PALLD: variants seen among roughly 807,000 people sequenced by gnomAD.
PALLD encodes the protein palladin.
In PALLD, 61 loss-of-function variants were observed where a neutral mutation model predicts 123.5. The observed-to-expected ratio is 0.49, with a 90% CI of 0.40 to 0.61. The LOEUF (loss-of-function observed/expected upper bound fraction) is 0.61. PALLD is among the 20% of genes least tolerant of loss of function. The pLI is 0.00. For synonymous variants in PALLD, 465 were observed against 496.4 expected (o/e 0.94, Z 0.84); for missense variants, 1,273 against 1,377.0 (o/e 0.92, Z 1.20).
At chr4:168,759,202 AATATATATATAT>A (rs147474708) in intron 10 of PALLD, among the ~76,000 whole-genome samples, 69 of 22,240 alleles carry the variant, frequency 3.1e-3, no homozygotes, top group South Asian at 0.01. Flanking sequence ...AAAAAAAAAA[AATATATATATAT>A]ATATATATAT....
At chr4:168,703,655 G>A (rs1783925146) in intron 8 of PALLD, among the ~76,000 whole-genome samples, 1 of 135,450 alleles carries the variant, frequency 7.4e-6, no homozygotes, top group Non-Finnish European at 1.5e-5. Flanking sequence ...TTCTCTGATG[G>A]CCAGTGATGA....
intron 10 of PALLD, among the ~76,000 whole-genome samples, chr4:168,754,783 C>T (rs1310629570): frequency 1.3e-5 from 2 of 152,132 alleles, no homozygotes; most frequent in Non-Finnish European, 2.9e-5. Context: ...TTGCTTAGTG[C>T]TCAACTGTGC....
At chr4:168,721,820 G>A (rs1045913164) in intron 10 of PALLD, among the ~76,000 whole-genome samples, 22 of 152,198 alleles carry the variant, frequency 1.4e-4, no homozygotes, top group Admixed American at 3.9e-4. Flanking sequence ...TCCCGTGTGG[G>A]ATCTCCTTCT....
At chr4:168,596,226 A>G (rs1397193685) in intron 2 of PALLD, among the ~76,000 whole-genome samples, 1 of 152,140 alleles carries the variant, frequency 6.6e-6, no homozygotes, top group African/African-American at 2.4e-5. Flanking sequence ...GGTCTAATAG[A>G]GGAGAAAGAT....
At chr4:168,785,315 A>G (rs1310746881) in intron 10 of PALLD, among the ~76,000 whole-genome samples, 1 of 152,018 alleles carries the variant, frequency 6.6e-6, no homozygotes, top group Non-Finnish European at 1.5e-5. Context: ...CCGAAAGTGA[A>G]TCACAGTCCT....
At chr4:168,796,165 C>T (rs1429621047) in intron 10 of PALLD, among the ~76,000 whole-genome samples, 1 of 152,048 alleles carries the variant, frequency 6.6e-6, no homozygotes, top group East Asian at 1.9e-4. Context: ...TTTTTTTGTA[C>T]CCATCAACCA....
chr4:168,766,305 T>G (rs893593039), intron 10 of PALLD, among the ~76,000 whole-genome samples: 7 of 152,246 alleles, frequency 4.6e-5, no homozygotes, highest in Non-Finnish European at 7.3e-5. Flanking sequence ...ATAGCCATTC[T>G]TTTACTCCTT....
chr4:168,516,338 A>G (rs1280189827), intron 2 of PALLD, among the ~76,000 whole-genome samples: 2 of 152,166 alleles, frequency 1.3e-5, no homozygotes, highest in Non-Finnish European at 2.9e-5. Flanking sequence ...CTGTTCCCTG[A>G]CATCACTCAC....
intron 2 of PALLD, among the ~76,000 whole-genome samples, chr4:168,547,959 A>C (rs1766328664): frequency 6.6e-6 from 1 of 150,966 alleles, no homozygotes; most frequent in South Asian, 2.1e-4. Context: ...AAAAAAAAAA[A>C]AAAAAAACCT....
At position 168,926,223 on chromosome 4, in the gene PALLD, T is replaced by C. The variant is rs796831946; in HGVS notation, c.*43T>C. 4 of 1,533,542 alleles carry C rather than the reference T, an allele frequency of 2.6e-6. No individual in the cohort carries two copies. Among genetic ancestry groups the C allele is most frequent in the Non-Finnish European group, 3.5e-6 (4 of 1,144,572 alleles). The allele number at this position is 1,533,542 out of a possible 1,614,324, so 95.0% of individuals were successfully genotyped here. A position where few individuals can be genotyped will look rare whatever the true frequency, so the allele number is the denominator to read the frequency against. On this transcript the variant is annotated 3_prime_UTR_variant, in exon 22 of 22. Transcript: ENST00000505667. The stretch of plus-strand genomic sequence containing the variant: ...TCTTTTTCTTTGTAGCCCAGTGGCA[T>C]CAGCAGTCACAGAGCACCAAGCCAA...
intron 2 of PALLD, among the ~76,000 whole-genome samples, chr4:168,521,987 C>A (rs1763612738): frequency 3.3e-5 from 5 of 152,204 alleles, no homozygotes; most frequent in Admixed American, 3.3e-4. Context: ...CTTCATACAA[C>A]TAATTATCTC....
At chr4:168,553,292 C>A (rs147282782) in intron 2 of PALLD, among the ~76,000 whole-genome samples, 2 of 152,106 alleles carry the variant, frequency 1.3e-5, no homozygotes, top group Admixed American at 1.3e-4. Context: ...GGAAAAAAAG[C>A]CTTATAATGT....
At chr4:168,878,845 C>T (rs1309258628) in intron 10 of PALLD, among the ~76,000 whole-genome samples, 1 of 152,158 alleles carries the variant, frequency 6.6e-6, no homozygotes, top group East Asian at 1.9e-4. Context: ...AGCCACTAAA[C>T]CGAGACACGA....
At chr4:168,896,135 A>G (rs12509709) in intron 12 of PALLD, among the ~76,000 whole-genome samples, 128,490 of 151,538 alleles carry the variant, frequency 0.85, 54,672 homozygotes, top group East Asian at 1. Context: ...GCTTGAACCC[A>G]GGAGACAGAG....
intron 2 of PALLD, among the ~76,000 whole-genome samples, chr4:168,583,795 G>GCTCTGCTTCTGCTCT (rs1400699500): frequency 6.6e-6 from 1 of 152,042 alleles, no homozygotes; most frequent in Admixed American, 6.6e-5. Flanking sequence ...TCTGCTGGGT[G>GCTCTGCTTCTGCTCT]GCCAATGGGA....
At chr4:168,594,298 C>T (rs58425873) in intron 2 of PALLD, among the ~76,000 whole-genome samples, 15,021 of 151,990 alleles carry the variant, frequency 0.099, 811 homozygotes, top group Admixed American at 0.13. Context: ...AATAAATAGA[C>T]GTGGATACAA....
At chr4:168,823,368 G>A (rs1742994789) in intron 10 of PALLD, among the ~76,000 whole-genome samples, 1 of 152,092 alleles carries the variant, frequency 6.6e-6, no homozygotes, top group South Asian at 2.1e-4. Flanking sequence ...TCTGAACAAT[G>A]AGCAGCTCAA....
intron 2 of PALLD, among the ~76,000 whole-genome samples, chr4:168,637,679 C>T (rs1371013041): frequency 2.6e-5 from 4 of 152,126 alleles, no homozygotes; most frequent in Non-Finnish European, 5.9e-5. Context: ...CGCAGTGGCT[C>T]ACACCTGTAA....
intron 10 of PALLD, among the ~76,000 whole-genome samples, chr4:168,771,475 C>T (rs4692948): frequency 1.3e-5 from 2 of 151,950 alleles, no homozygotes; most frequent in Admixed American, 6.6e-5. Flanking sequence ...CCAATTGTTG[C>T]TCAATAATGT....
Sources: gnomAD v4.1 joint callset for allele counts (sites outside exome capture counted in the v4.1 genomes callset) on GRCh38, gnomAD v4.1.1 for gene constraint, MANE v1.5 for transcripts, NCBI Gene and HGNC (gene_info 2026-07-23, HGNC 2026-07-21) for gene names.